MAPKAPK2: variants seen among roughly 807,000 people sequenced by gnomAD.
MAPKAPK2 encodes MAPK activated protein kinase 2.
In MAPKAPK2, 9 loss-of-function variants were observed where a neutral mutation model predicts 48.8. The ratio of observed to expected loss-of-function variants is 0.18; its 90% CI spans 0.11 to 0.32. The LOEUF is 0.32. MAPKAPK2 is among the 10% of genes least tolerant of loss of function. The pLI is 1.00. For missense variants in MAPKAPK2, 331 were observed against 498.3 expected, an observed-to-expected ratio of 0.66 and a Z score of 3.20; for synonymous variants, 202 against 190.6, an observed-to-expected ratio of 1.06 and a Z score of -0.49.
At position 206,694,443 on chromosome 1, in the gene MAPKAPK2, G is replaced by C. The variant is rs140642106; in HGVS notation, c.279+8935G>C. Among the ~76,000 whole-genome samples the C allele has an allele frequency of 3.8e-3, 573 of 152,348 alleles. 3 individuals carry two copies. The highest frequency in any genetic ancestry group is 0.01 in the Middle Eastern group (3 of 294). On this transcript the variant is annotated intron_variant, in intron 1 of 9. Coordinates refer to ENST00000367103, the MANE Select transcript of MAPKAPK2 (RefSeq NM_032960.4). ...CTGTGCAGAGGAAGAGTTGGGCATA[G>C]TTGCTAAGTGTTTATTTTTAACTCT...
chr1:206,716,121 A>G (rs1461517804), intron 1 of MAPKAPK2, among the ~76,000 whole-genome samples: 11 of 149,242 alleles, frequency 7.4e-5, no homozygotes, highest in African/African-American at 2.7e-4. Flanking sequence ...TTTTAAACAT[A>G]ATTTACTAGG....
chr1:206,728,892 TC>T, intron 2 of MAPKAPK2, 43 bp downstream of exon 2: 2 of 1,612,116 alleles, frequency 1.2e-6, no homozygotes, highest in Non-Finnish European at 1.7e-6. Flanking sequence ...CTGTTCCCAC[TC>T]CTCACTCAGG....
At chr1:206,698,300 A>G (rs1672692657) in intron 1 of MAPKAPK2, among the ~76,000 whole-genome samples, 1 of 152,206 alleles carries the variant, frequency 6.6e-6, no homozygotes, top group Non-Finnish European at 1.5e-5. Flanking sequence ...GACCCCTTTA[A>G]TACCTCTGCT....
chr1:206,706,954 C>T (rs1672979208), intron 1 of MAPKAPK2, among the ~76,000 whole-genome samples: 1 of 152,160 alleles, frequency 6.6e-6, no homozygotes, highest in Non-Finnish European at 1.5e-5. Flanking sequence ...TCTCCCCTCA[C>T]CTGTCATTCC....
chr1:206,701,830 C>CAA (rs1553427942), intron 1 of MAPKAPK2, among the ~76,000 whole-genome samples: 3,936 of 79,674 alleles, frequency 0.049, 210 homozygotes, highest in Middle Eastern at 0.17. Context: ...GACCCTGTCT[C>CAA]TAAAAAAAAA....
Position 206,733,295 on chromosome 1 carries a change from T to TGTGTGTGTGC in MAPKAPK2, c.*586_*587insCGTGTGTGTG, listed in dbSNP as rs1423074553. 2 of 154,266 alleles carry TGTGTGTGTGC rather than the reference T, an allele frequency of 1.3e-5. No individual in the cohort carries two copies. Among genetic ancestry groups the TGTGTGTGTGC allele is most frequent in the African/African-American group, 4.8e-5 (2 of 41,438 alleles). 9.6% of individuals were successfully genotyped at this position (154,266 alleles called of 1,614,324 possible). A position where few individuals can be genotyped will look rare whatever the true frequency, so the allele number is the denominator to read the frequency against. On this transcript the variant is annotated 3_prime_UTR_variant, in exon 10 of 10. Transcript: ENST00000367103. ...GAGTGAGTGTATGTGTGTGTGTGTG[T>TGTGTGTGTGC]GTGTGTGTGTGCACACGTGTGTATG...
intron 1 of MAPKAPK2, among the ~76,000 whole-genome samples, chr1:206,716,976 T>G (rs1399337417): frequency 6.6e-6 from 1 of 152,118 alleles, no homozygotes; most frequent in Non-Finnish European, 1.5e-5. Flanking sequence ...ATTTAATTGG[T>G]AAGTGTTTAT....
intron 1 of MAPKAPK2, among the ~76,000 whole-genome samples, chr1:206,712,896 G>T (rs1333237150): frequency 6.6e-6 from 1 of 151,068 alleles, no homozygotes; most frequent in African/African-American, 2.4e-5. Flanking sequence ...GACCCGGGAG[G>T]TGGAGATTTC....
intron 1 of MAPKAPK2, among the ~76,000 whole-genome samples, chr1:206,725,932 G>A: frequency 6.6e-6 from 1 of 152,170 alleles, no homozygotes; most frequent in Non-Finnish European, 1.5e-5. Flanking sequence ...GATCAGGACT[G>A]CTCTATTTGG....
chr1:206,733,704 T>A lies in MAPKAPK2; in HGVS notation c.*986T>A, dbSNP rs944704888. On this transcript the variant is annotated 3_prime_UTR_variant, in exon 10 of 10. Coordinates refer to ENST00000367103, the MANE Select transcript of MAPKAPK2 (RefSeq NM_032960.4). ...TTAACCCATTTTTGTTTATTTTCCT[T>A]AAATTTTTAGCCATTTCTCCATGGG... The A allele has an allele frequency of 2.6e-4, 40 of 152,834 alleles. No homozygotes were observed. The highest frequency in any genetic ancestry group is 9.1e-4 in the African/African-American group (38 of 41,560). The allele number at this position is 152,834 out of a possible 1,614,324, so 9.5% of individuals were successfully genotyped here.
chr1:206,692,040 G>C (rs914332371), intron 1 of MAPKAPK2, among the ~76,000 whole-genome samples: 1 of 152,218 alleles, frequency 6.6e-6, no homozygotes, highest in Non-Finnish European at 1.5e-5. Context: ...GCAAAGTAGA[G>C]ATGAGGAACT....
chr1:206,729,216 A>T, intron 3 of MAPKAPK2, 117 bp downstream of exon 3: 2 of 1,227,036 alleles, frequency 1.6e-6, no homozygotes. Context: ...CCCCTCCAGC[A>T]TGCTGCAAGG....
chr1:206,731,003 T>C lies in MAPKAPK2; in HGVS notation c.768-135T>C. The C allele has an allele frequency of 7.9e-7, 1 of 1,273,256 alleles. No individual in the cohort carries two copies. Among genetic ancestry groups the C allele is most frequent in the Non-Finnish European group, 1.1e-6 (1 of 888,280 alleles). The allele number at this position is 1,273,256 out of a possible 1,614,324, so 78.9% of individuals were successfully genotyped here. A position where few individuals can be genotyped will look rare whatever the true frequency, so the allele number is the denominator to read the frequency against. Reference sequence around the variant, plus strand: ...GGGCCCCGGGCTTGACTTTGTATATTGTGCCTGTGTCAATAAGCCCTGATT... The same window carrying C: ...GGGCCCCGGGCTTGACTTTGTATATCGTGCCTGTGTCAATAAGCCCTGATT... On this transcript the variant is annotated intron_variant, in intron 6 of 9. Transcript: ENST00000367103. This position sits in a 1 kb window ranked among gnomAD's most constrained non-coding sequence, Gnocchi z 5.9.
chr1:206,695,012 C>T (rs1672571428), intron 1 of MAPKAPK2, among the ~76,000 whole-genome samples: 1 of 152,184 alleles, frequency 6.6e-6, no homozygotes, highest in Admixed American at 6.5e-5. Context: ...CCACCTGCGA[C>T]TCTTAGTGAC....
intron 6 of MAPKAPK2, 146 bp from the exon 7 acceptor site, chr1:206,730,992 A>G: frequency 2.4e-6 from 3 of 1,236,114 alleles, no homozygotes; most frequent in Admixed American, 1.8e-5. Flanking sequence ...CCCGGGCTTG[A>G]CTTTGTATAT....
At chr1:206,710,190 A>G (rs1056036477) in intron 1 of MAPKAPK2, among the ~76,000 whole-genome samples, 6 of 152,238 alleles carry the variant, frequency 3.9e-5, no homozygotes, top group African/African-American at 1.2e-4. Context: ...TTGCCAGGAT[A>G]TATGTATTAC....
chr1:206,722,620 G>A lies in MAPKAPK2; in HGVS notation c.280-6090G>A, dbSNP rs555923362. On this transcript the variant is annotated intron_variant, in intron 1 of 9. Coordinates refer to ENST00000367103, the MANE Select transcript of MAPKAPK2 (RefSeq NM_032960.4). ...AAGAGGAAGGGTTGGTCTTGCTGCT[G>A]CAGGGCTGGCAGAAGTGGAAGAAAA... 1.2e-4 allele frequency among the ~76,000 whole-genome samples: 19 copies of A among 152,318 alleles called. No individual in the cohort carries two copies. In the South Asian group the frequency reaches 3.1e-3, roughly 25 times the overall value.
At chr1:206,693,192 G>T (rs2102376457) in intron 1 of MAPKAPK2, among the ~76,000 whole-genome samples, 1 of 152,216 alleles carries the variant, frequency 6.6e-6, no homozygotes, top group Non-Finnish European at 1.5e-5. Flanking sequence ...CTGGCCTCCT[G>T]CCCAGGGCCC....
chr1:206,712,259 A>G (rs1673180641), intron 1 of MAPKAPK2, among the ~76,000 whole-genome samples: 1 of 152,228 alleles, frequency 6.6e-6, no homozygotes. Flanking sequence ...TTATATTGTT[A>G]TTATTCACTA....
Sources: allele counts gnomAD v4.1 joint callset (sites outside exome capture counted in the v4.1 genomes callset), GRCh38; gene constraint gnomAD v4.1.1; non-coding constraint Gnocchi (gnomAD v3.1); transcripts MANE v1.5; gene names NCBI Gene and HGNC (gene_info 2026-07-23, HGNC 2026-07-21).